The following ASNS variants were observed in gnomAD, a reference collection of about 807,000 sequenced individuals.
The protein encoded by ASNS is asparagine synthetase (glutamine-hydrolyzing).
A neutral mutation model predicts 62.6 loss-of-function variants in ASNS; 37 were observed. The observed-to-expected ratio is 0.59, with a 90% CI of 0.45 to 0.78. The LOEUF (loss-of-function observed/expected upper bound fraction) is 0.78. Ranked by LOEUF, ASNS falls within the 30% of genes least tolerant of loss-of-function variation. The pLI is 0.00. For synonymous variants in ASNS, 207 were observed against 237.9 expected (o/e 0.87, Z 1.19); for missense variants, 520 against 682.4 (o/e 0.76, Z 2.65).
the ASNS span, among the ~76,000 whole-genome samples, chr7:97,906,094 C>A: frequency 6.6e-6 from 1 of 152,168 alleles, no homozygotes; most frequent in African/African-American, 2.4e-5. Flanking sequence ...TCTCCTTCTA[C>A]CAAACTTTGT....
At chr7:97,855,821 C>T (rs962797553) in intron 8 of ASNS, among the ~76,000 whole-genome samples, 3 of 152,022 alleles carry the variant, frequency 2.0e-5, no homozygotes, top group African/African-American at 4.8e-5. Flanking sequence ...TAAGAATAAC[C>T]GTTTTGGTGG....
the ASNS span, among the ~76,000 whole-genome samples, chr7:97,896,570 C>T: frequency 7.3e-6 from 1 of 136,486 alleles, no homozygotes; most frequent in African/African-American, 2.7e-5. Flanking sequence ...GCACTCCAGC[C>T]TCGGCGACAG....
the ASNS span, among the ~76,000 whole-genome samples, chr7:97,922,486 G>T: frequency 6.6e-6 from 1 of 152,154 alleles, no homozygotes; most frequent in East Asian, 1.9e-4. Flanking sequence ...TTTTAGAGAG[G>T]AAGAATAAGT....
chr7:97,906,817 G>A, the ASNS span: 1 of 152,072 alleles, frequency 6.6e-6, no homozygotes, highest in South Asian at 2.1e-4. Context: ...ACCCAGGACA[G>A]CCAATGATAT....
chr7:97,889,133 A>T, the ASNS span, among the ~76,000 whole-genome samples: 4 of 152,172 alleles, frequency 2.6e-5, no homozygotes, highest in Admixed American at 6.5e-5. Flanking sequence ...TAGTATTGAC[A>T]CACCTGGTCC....
At chr7:97,905,098 C>T in the ASNS span, among the ~76,000 whole-genome samples, 1 of 152,160 alleles carries the variant, frequency 6.6e-6, no homozygotes, top group African/African-American at 2.4e-5. Context: ...TTCTAATGCC[C>T]TTTGATCTTC....
chr7:97,876,299 C>T (rs1206281716), upstream of ASNS, among the ~76,000 whole-genome samples: 3 of 152,182 alleles, frequency 2.0e-5, no homozygotes, highest in Admixed American at 6.5e-5. Flanking sequence ...GTGTGACCGT[C>T]ACCTTTGGCA....
intron 6 of ASNS, among the ~76,000 whole-genome samples, 165 bp from the exon 7 acceptor site, chr7:97,858,570 C>G (rs1791569217): frequency 6.6e-6 from 1 of 152,212 alleles, no homozygotes; most frequent in Non-Finnish European, 1.5e-5. Context: ...AATATATAAA[C>G]TGTGATAATA....
the ASNS span, among the ~76,000 whole-genome samples, chr7:97,896,731 C>CATATATATAT: frequency 5.7e-4 from 16 of 27,862 alleles, no homozygotes; most frequent in African/African-American, 1.4e-3. Context: ...CACACACACA[C>CATATATATAT]ACACACACAC....
At chr7:97,871,527 T>C (rs1274869052) in intron 1 of ASNS, among the ~76,000 whole-genome samples, 1 of 151,640 alleles carries the variant, frequency 6.6e-6, no homozygotes, top group South Asian at 2.1e-4. Flanking sequence ...GCTGTTAAAT[T>C]ATTAGTCAAG....
At chr7:97,896,711 TACACACAC>T in the ASNS span, among the ~76,000 whole-genome samples, 56 of 44,272 alleles carry the variant, frequency 1.3e-3, no homozygotes, top group African/African-American at 3.2e-3. Flanking sequence ...TGTATATATA[TACACACAC>T]ACACACACAC....
the ASNS span, among the ~76,000 whole-genome samples, chr7:97,913,418 C>G: frequency 1.3e-5 from 2 of 152,210 alleles, no homozygotes; most frequent in Non-Finnish European, 2.9e-5. Context: ...TCCCCTATTG[C>G]AGAACTTAGC....
At chr7:97,878,369 G>A in the ASNS span, among the ~76,000 whole-genome samples, 623 of 152,262 alleles carry the variant, frequency 4.1e-3, 8 homozygotes, top group African/African-American at 0.014. Flanking sequence ...AGTCGTGATC[G>A]ATTGACCAAG....
At chr7:97,903,465 C>G in the ASNS span, among the ~76,000 whole-genome samples, 1 of 152,086 alleles carries the variant, frequency 6.6e-6, no homozygotes, top group Non-Finnish European at 1.5e-5. Context: ...TACACACATC[C>G]GGAGACCAAG....
intron 12 of ASNS, 101 bp downstream of exon 12, chr7:97,852,959 C>T: frequency 1.7e-6 from 2 of 1,151,278 alleles, no homozygotes; most frequent in South Asian, 1.8e-5. Context: ...ATCATTCAAA[C>T]TAAATACATG....
At chr7:97,887,359 G>A in the ASNS span, among the ~76,000 whole-genome samples, 1 of 152,192 alleles carries the variant, frequency 6.6e-6, no homozygotes, top group Admixed American at 6.5e-5. Flanking sequence ...TGTATTGGTG[G>A]TTAGAGGGTT....
chr7:97,918,452 G>A, the ASNS span, among the ~76,000 whole-genome samples: 1 of 152,196 alleles, frequency 6.6e-6, no homozygotes, highest in Non-Finnish European at 1.5e-5. Context: ...GTGCAGGGCT[G>A]GTTAAACGAA....
chr7:97,896,660 ATATATG>A, the ASNS span, among the ~76,000 whole-genome samples: 2 of 135,730 alleles, frequency 1.5e-5, no homozygotes, highest in Non-Finnish European at 3.1e-5. Context: ...ATATATACGT[ATATATG>A]TATATGTGTG....
At chr7:97,915,456 A>G in the ASNS span, among the ~76,000 whole-genome samples, 3 of 152,228 alleles carry the variant, frequency 2.0e-5, no homozygotes, top group African/African-American at 7.2e-5. Context: ...AACACCAGAG[A>G]CACAAATGAG....
Sources: gnomAD v4.1 joint callset for allele counts (sites outside exome capture counted in the v4.1 genomes callset) on GRCh38, gnomAD v4.1.1 for gene constraint, MANE v1.5 for transcripts, NCBI Gene and HGNC (gene_info 2026-07-23, HGNC 2026-07-21) for gene names.